The following CFDP1 variants were observed in gnomAD, a reference collection of about 807,000 sequenced individuals.
CFDP1 encodes heterochromatin-stabilizing protein CFDP1.
A neutral mutation model predicts 40.1 loss-of-function variants in CFDP1; 31 were observed. That is an observed-to-expected ratio of 0.77 (90% CI 0.58 to 1.04). The LOEUF is 1.04. Ranked by LOEUF, CFDP1 falls within the 50% of genes least tolerant of loss-of-function variation. The pLI is 0.00. For missense variants in CFDP1, 423 were observed against 343.4 expected (o/e 1.23, Z -1.83); for synonymous variants, 167 against 120.0 (o/e 1.39, Z -2.56).
At chr16:75,384,930 T>C (rs1205552280) in intron 5 of CFDP1, among the ~76,000 whole-genome samples, 1 of 137,426 alleles carries the variant, frequency 7.3e-6, no homozygotes, top group Non-Finnish European at 1.6e-5. Context: ...GTAAGTCCAC[T>C]TTTGTTTTAA....
intron 5 of CFDP1, among the ~76,000 whole-genome samples, chr16:75,387,034 T>A (rs1255576260): frequency 2.0e-5 from 3 of 152,248 alleles, no homozygotes; most frequent in Non-Finnish European, 4.4e-5. Context: ...CTATAAAGGC[T>A]TATTTTAAAA....
chr16:75,388,686 A>G (rs9989421), intron 5 of CFDP1, among the ~76,000 whole-genome samples: 114,883 of 152,114 alleles, frequency 0.76, 43,512 homozygotes, highest in Non-Finnish European at 0.79. Context: ...AGATCACACC[A>G]TTAACTGCTC....
chr16:75,340,834 A>C (rs2078521847), intron 5 of CFDP1, among the ~76,000 whole-genome samples: 1 of 150,184 alleles, frequency 6.7e-6, no homozygotes, highest in Admixed American at 6.6e-5. Flanking sequence ...GGTCAATGCG[A>C]GGACCAGCTT....
intron 4 of CFDP1, among the ~76,000 whole-genome samples, chr16:75,409,778 T>C (rs1415181484): frequency 2.6e-5 from 4 of 152,174 alleles, no homozygotes; most frequent in African/African-American, 4.8e-5. Flanking sequence ...AGAGAGGCAA[T>C]ACATTAACCA....
intron 5 of CFDP1, among the ~76,000 whole-genome samples, chr16:75,377,812 G>T (rs115622037): frequency 0.013 from 2,021 of 152,284 alleles, 36 homozygotes; most frequent in African/African-American, 0.046. Flanking sequence ...CAAACATGCA[G>T]TTGCCCCAAA....
chr16:75,312,581 C>G (rs1320751652), intron 5 of CFDP1, among the ~76,000 whole-genome samples: 1 of 152,138 alleles, frequency 6.6e-6, no homozygotes, highest in African/African-American at 2.4e-5. Context: ...TGCTCTACAT[C>G]TTTATAACGT....
intron 5 of CFDP1, among the ~76,000 whole-genome samples, chr16:75,359,918 A>C (rs1378737208): frequency 6.6e-6 from 1 of 152,124 alleles, no homozygotes; most frequent in Non-Finnish European, 1.5e-5. Context: ...GCTACTCTCC[A>C]AAGAAAGCTG....
intron 5 of CFDP1, 161 bp downstream of exon 5, chr16:75,394,929 C>T (rs988433424): frequency 1.2e-5 from 11 of 905,502 alleles, no homozygotes; most frequent in Middle Eastern, 3.6e-4. Flanking sequence ...GGCTAATTTT[C>T]CTTTGCATCT....
At chr16:75,315,315 G>C (rs909346625) in intron 5 of CFDP1, among the ~76,000 whole-genome samples, 2 of 107,412 alleles carry the variant, frequency 1.9e-5, no homozygotes, top group Admixed American at 1.3e-4. Flanking sequence ...CTGGGTGACA[G>C]AGTGAGACCC....
chr16:75,356,900 CTGCT>C (rs1249773054), intron 5 of CFDP1, among the ~76,000 whole-genome samples: 11 of 135,078 alleles, frequency 8.1e-5, no homozygotes, highest in Admixed American at 2.7e-4. Flanking sequence ...ATGGAAACAG[CTGCT>C]TTCTTTCTTT....
intron 5 of CFDP1, among the ~76,000 whole-genome samples, chr16:75,320,372 T>G (rs552156030): frequency 6.6e-6 from 1 of 151,988 alleles, no homozygotes; most frequent in Admixed American, 6.6e-5. Flanking sequence ...GTTAACTGGC[T>G]GGCAAACGAA....
intron 6 of CFDP1, among the ~76,000 whole-genome samples, chr16:75,295,710 C>A (rs2078177569): frequency 6.6e-6 from 1 of 152,194 alleles, no homozygotes; most frequent in Non-Finnish European, 1.5e-5. Flanking sequence ...TTGATAAAAG[C>A]CCTTGGGGTC....
intron 5 of CFDP1, among the ~76,000 whole-genome samples, chr16:75,313,254 T>C (rs1296814915): frequency 6.6e-6 from 1 of 152,244 alleles, no homozygotes; most frequent in African/African-American, 2.4e-5. Flanking sequence ...TCTGTGGTGC[T>C]TGGTTCGTGC....
rs113304949 is a variant in CFDP1 at position 75,323,455 on chromosome 16, T to G, written c.651-18273A>C. On this transcript the variant is annotated intron_variant, in intron 5 of 6. Coordinates refer to ENST00000283882, the MANE Select transcript of CFDP1 (RefSeq NM_006324.3). Reference sequence around the variant, plus strand: ...TAACTTTTTTTTTTTTTTTAACAAGTAGAAGGAATACACTCTAAAATAACA... The same window carrying G: ...TAACTTTTTTTTTTTTTTTAACAAGGAGAAGGAATACACTCTAAAATAACA... Among the ~76,000 whole-genome samples the G allele has an allele frequency of 4.0e-3, 594 of 149,852 alleles. 7 individuals are homozygous for G. The highest frequency in any genetic ancestry group is 0.014 in the African/African-American group (554 of 40,576).
chr16:75,355,622 T>A (rs1183660890), intron 5 of CFDP1, among the ~76,000 whole-genome samples: 1 of 152,170 alleles, frequency 6.6e-6, no homozygotes, highest in Non-Finnish European at 1.5e-5. Context: ...CACCCTGAAT[T>A]ACAATAATCT....
intron 5 of CFDP1, among the ~76,000 whole-genome samples, chr16:75,393,535 TC>T (rs2078969641): frequency 6.6e-6 from 1 of 151,634 alleles, no homozygotes; most frequent in Non-Finnish European, 1.5e-5. Context: ...ATCGAGACCA[TC>T]CTGGCTAACA....
chr16:75,296,626 T>A (rs1207670359), intron 6 of CFDP1, among the ~76,000 whole-genome samples: 1 of 152,180 alleles, frequency 6.6e-6, no homozygotes, highest in Non-Finnish European at 1.5e-5. Flanking sequence ...CTGTGTTGGG[T>A]CCAGCTGACT....
chr16:75,314,924 G>T (rs923072033), intron 5 of CFDP1, among the ~76,000 whole-genome samples: 3 of 152,022 alleles, frequency 2.0e-5, no homozygotes, highest in Non-Finnish European at 4.4e-5. Context: ...GCTAACTTTT[G>T]TATTTTTAGT....
chr16:75,402,972 T>C (rs2079068161), intron 4 of CFDP1, among the ~76,000 whole-genome samples: 1 of 152,142 alleles, frequency 6.6e-6, no homozygotes, highest in Non-Finnish European at 1.5e-5. Flanking sequence ...CATTTTGAAA[T>C]ATAAAATGTA....
Sources: allele counts gnomAD v4.1 joint callset (sites outside exome capture counted in the v4.1 genomes callset), GRCh38; gene constraint gnomAD v4.1.1; transcripts MANE v1.5; gene names NCBI Gene and HGNC (gene_info 2026-07-23, HGNC 2026-07-21).